GRIN2B: variants seen among roughly 807,000 people sequenced by gnomAD.
GRIN2B encodes the protein glutamate receptor ionotropic, NMDA 2B.
In GRIN2B, 5 loss-of-function variants were observed where a neutral mutation model predicts 114.5. That is an observed-to-expected ratio of 0.04 (90% CI 0.02 to 0.09). The LOEUF (loss-of-function observed/expected upper bound fraction) is 0.09, where lower values mean the gene tolerates loss of function less well. Ranked by LOEUF, GRIN2B falls within the 10% of genes least tolerant of loss-of-function variation. The pLI is 1.00. For synonymous variants in GRIN2B, 787 were observed against 745.1 expected, an observed-to-expected ratio of 1.06 and a Z score of -0.92; for missense variants, 1,108 against 1,943.5, an observed-to-expected ratio of 0.57 and a Z score of 8.08.
At chr12:13,670,437 A>G (rs1192126669) in intron 5 of GRIN2B, 3 of 152,150 alleles carry the variant, frequency 2.0e-5, no homozygotes, top group Non-Finnish European at 4.4e-5. Context: ...CTCAGAGCCC[A>G]AAAATGCACC....
intron 5 of GRIN2B, among the ~76,000 whole-genome samples, chr12:13,636,878 T>C (rs1040835188): frequency 6.6e-6 from 1 of 152,152 alleles, no homozygotes; most frequent in Non-Finnish European, 1.5e-5. Flanking sequence ...AGGGTTGCTA[T>C]GAAGATTAAA....
chr12:13,909,201 A>G (rs1172887616), intron 2 of GRIN2B, among the ~76,000 whole-genome samples: 4 of 152,232 alleles, frequency 2.6e-5, no homozygotes, highest in Non-Finnish European at 5.9e-5. Context: ...AGAGGGCTTC[A>G]TTTAAAGTTG....
intron 2 of GRIN2B, among the ~76,000 whole-genome samples, chr12:13,960,729 G>A (rs893388509): frequency 6.6e-6 from 1 of 152,214 alleles, no homozygotes; most frequent in Middle Eastern, 3.2e-3. Flanking sequence ...ACTTCCTGAT[G>A]TCAGGGAAGA....
intron 2 of GRIN2B, among the ~76,000 whole-genome samples, chr12:13,903,406 T>C (rs1412871990): frequency 1.3e-5 from 2 of 152,136 alleles, no homozygotes; most frequent in Non-Finnish European, 2.9e-5. Context: ...GCAACCTACA[T>C]ATAATGATAT....
At chr12:13,655,056 G>A (rs944149241) in intron 5 of GRIN2B, among the ~76,000 whole-genome samples, 3 of 152,106 alleles carry the variant, frequency 2.0e-5, no homozygotes, top group Admixed American at 2.0e-4. Flanking sequence ...TAAAAGAAGT[G>A]AATTAGTAAT....
chr12:13,852,781 T>C (rs1320276865), intron 3 of GRIN2B, among the ~76,000 whole-genome samples: 1 of 149,370 alleles, frequency 6.7e-6, no homozygotes, highest in Non-Finnish European at 1.5e-5. Context: ...TCAAAATGGC[T>C]CCATGGCATA....
At chr12:13,632,583 C>T (rs146810829) in intron 5 of GRIN2B, among the ~76,000 whole-genome samples, 87 of 152,290 alleles carry the variant, frequency 5.7e-4, no homozygotes, top group Non-Finnish European at 9.8e-4. Flanking sequence ...TTGTTTGGGA[C>T]TCATCCTCTG....
chr12:13,652,872 C>T (rs1949828657), intron 5 of GRIN2B, among the ~76,000 whole-genome samples: 2 of 152,146 alleles, frequency 1.3e-5, no homozygotes, highest in South Asian at 4.1e-4. Context: ...CTATCCTTCC[C>T]AGCAAGGTAG....
chr12:13,888,190 G>A (rs946124368), intron 2 of GRIN2B, among the ~76,000 whole-genome samples: 1 of 152,138 alleles, frequency 6.6e-6, no homozygotes, highest in African/African-American at 2.4e-5. Context: ...GACACGCCCT[G>A]AGAAATGTGT....
chr12:13,836,797 G>A (rs987902304), intron 3 of GRIN2B, among the ~76,000 whole-genome samples: 1 of 149,990 alleles, frequency 6.7e-6, no homozygotes, highest in African/African-American at 2.4e-5. Context: ...CAAGCCAGAA[G>A]CTGAGAAGGA....
At chr12:13,825,354 C>T (rs1350282564) in intron 3 of GRIN2B, among the ~76,000 whole-genome samples, 1 of 151,044 alleles carries the variant, frequency 6.6e-6, no homozygotes, top group Non-Finnish European at 1.5e-5. Flanking sequence ...TATTTTCTAC[C>T]TTGGTAAATA....
At chr12:13,901,356 C>A (rs574654851) in intron 2 of GRIN2B, among the ~76,000 whole-genome samples, 20 of 152,160 alleles carry the variant, frequency 1.3e-4, no homozygotes, top group African/African-American at 4.8e-4. Context: ...CAAGAATATT[C>A]ATTTCTTTAT....
At chr12:13,693,750 C>T (rs1487329256) in intron 4 of GRIN2B, among the ~76,000 whole-genome samples, 1 of 152,178 alleles carries the variant, frequency 6.6e-6, no homozygotes, top group African/African-American at 2.4e-5. Flanking sequence ...CCCTCCTTCC[C>T]CTTCTCCGGT....
At chr12:13,621,607 G>GTTTTTTTTTT (rs759603737) in intron 5 of GRIN2B, among the ~76,000 whole-genome samples, 3 of 27,702 alleles carry the variant, frequency 1.1e-4, no homozygotes, top group African/African-American at 2.7e-4. Flanking sequence ...AAATTGCCTA[G>GTTTTTTTTTT]TTTTTGTTTT....
At chr12:13,776,048 T>C (rs1024809976) in intron 3 of GRIN2B, among the ~76,000 whole-genome samples, 2 of 152,128 alleles carry the variant, frequency 1.3e-5, no homozygotes, top group African/African-American at 4.8e-5. Context: ...AATGATAGAC[T>C]GGATAAAGAA....
In GRIN2B at chr12:13,861,309, G is replaced by T. The variant is rs79767807; in HGVS notation, c.411+4489C>A. Among the ~76,000 whole-genome samples the T allele has an allele frequency of 9.7e-3, 1,484 of 152,208 alleles. 10 individuals are homozygous for T. The highest frequency in any genetic ancestry group is 0.015 in the Non-Finnish European group (1,018 of 68,002). On this transcript the variant is annotated intron_variant, in intron 3 of 13. Coordinates refer to ENST00000609686, the MANE Select transcript of GRIN2B (RefSeq NM_000834.5). ...GCTAATAGTGGGCTGTGATATCCTGGATTAGTTACTTAACCTTTCTAAGCT... is the reference window on the plus strand; with the variant it reads ...GCTAATAGTGGGCTGTGATATCCTGTATTAGTTACTTAACCTTTCTAAGCT...
Position 13,563,784 on chromosome 12 carries a change from T to G in GRIN2B, c.3454A>C (p.Thr1152Pro). ...TCACTCCGCTCCTTGTAGATGTCGG[T>G]CAGGTCTACGTGCTCCCAGTGGGGT... ...NSPHWEHVDL[T>P]DIYKERSDDF... The change falls in exon 14 of 14, where the codon ACC (threonine) becomes CCC (proline). Residue 1152 changes from threonine to proline, a missense_variant. Physicochemically the swap from Thr to Pro is conservative, Grantham distance 38 (BLOSUM62 -1). Around this residue, in one of 19 missense-constraint regions of GRIN2B, gnomAD observed 478 missense variants for 506.0 expected, o/e 0.94. Coordinates refer to ENST00000609686, the MANE Select transcript of GRIN2B (RefSeq NM_000834.5). The G allele has an allele frequency of 1.9e-6, 3 of 1,613,922 alleles. No individual in the cohort carries two copies. The South Asian group carries it at 3.3e-5, about 18-fold the overall frequency.
chr12:13,966,834 T>C (rs976550638), intron 2 of GRIN2B, among the ~76,000 whole-genome samples: 1 of 152,216 alleles, frequency 6.6e-6, no homozygotes, highest in Admixed American at 6.5e-5. Context: ...GAATTATTAA[T>C]ACTCCATTTG....
chr12:13,825,916 A>G (rs1288876598), intron 3 of GRIN2B, among the ~76,000 whole-genome samples: 1 of 152,166 alleles, frequency 6.6e-6, no homozygotes, highest in Non-Finnish European at 1.5e-5. Flanking sequence ...CTGTCAATAT[A>G]TGCCTTTCAG....
Sources: allele counts gnomAD v4.1 joint callset (sites outside exome capture counted in the v4.1 genomes callset), GRCh38; gene constraint gnomAD v4.1.1; regional missense constraint gnomAD v4.1.1; transcripts MANE v1.5; gene names NCBI Gene and HGNC (gene_info 2026-07-23, HGNC 2026-07-21).